Variants in RGS6 observed in about 807,000 individuals in gnomAD.
The protein encoded by RGS6 is regulator of G-protein signaling 6.
RGS6 carries 30 observed loss-of-function variants against 78.5 expected under a neutral mutation model. The observed-to-expected ratio is 0.38, with a 90% CI of 0.29 to 0.52. The LOEUF is 0.52. Among genes scored for constraint, RGS6 ranks in the 20% least tolerant of loss-of-function variants. RGS6 has a pLI of 0.85. For missense variants in RGS6, 495 were observed against 609.7 expected, an observed-to-expected ratio of 0.81 and a Z score of 1.98; for synonymous variants, 206 against 206.0, an observed-to-expected ratio of 1.00 and a Z score of 0.00.
At chr14:71,963,615 TGTGTC>T (rs1177451389) in intron 1 of RGS6, among the ~76,000 whole-genome samples, 1 of 152,282 alleles carries the variant, frequency 6.6e-6, no homozygotes, top group Non-Finnish European at 1.5e-5. Context: ...TGTGACGTTT[TGTGTC>T]TGGCTTTTTA....
At chr14:72,427,336 A>G (rs1457360731) in intron 3 of RGS6, among the ~76,000 whole-genome samples, 2 of 152,234 alleles carry the variant, frequency 1.3e-5, no homozygotes, top group Non-Finnish European at 2.9e-5. Context: ...TATGTATAGA[A>G]AAAACATAGT....
intron 2 of RGS6, among the ~76,000 whole-genome samples, chr14:72,164,874 G>A (rs1041053760): frequency 3.9e-5 from 6 of 152,038 alleles, no homozygotes; most frequent in South Asian, 2.1e-4. Context: ...TTATTTTTCC[G>A]CAGACTTGAC....
chr14:72,412,311 C>A (rs144993648), intron 3 of RGS6, among the ~76,000 whole-genome samples: 1 of 152,046 alleles, frequency 6.6e-6, no homozygotes, highest in Non-Finnish European at 1.5e-5. Flanking sequence ...TGTATGTGTC[C>A]AGGAATTTAT....
At chr14:72,314,467 G>C (rs1022098966) in intron 2 of RGS6, among the ~76,000 whole-genome samples, 1 of 152,174 alleles carries the variant, frequency 6.6e-6, no homozygotes, top group Non-Finnish European at 1.5e-5. Flanking sequence ...TGTCTCATTG[G>C]CCAGAACTGT....
chr14:72,275,802 T>C (rs1178380886), intron 2 of RGS6, among the ~76,000 whole-genome samples: 5 of 152,208 alleles, frequency 3.3e-5, no homozygotes, highest in Non-Finnish European at 5.9e-5. Context: ...AAGGAACATA[T>C]TGGAAAATTA....
intron 1 of RGS6, among the ~76,000 whole-genome samples, chr14:71,960,375 A>T (rs551753057): frequency 6.6e-6 from 1 of 152,304 alleles, no homozygotes; most frequent in South Asian, 2.1e-4. Flanking sequence ...GATGCTATAC[A>T]TGGGTCTTTG....
the RGS6 span, among the ~76,000 whole-genome samples, chr14:71,921,893 T>C: frequency 6.6e-6 from 1 of 152,248 alleles, no homozygotes; most frequent in African/African-American, 2.4e-5. Context: ...TCTGTGTCCA[T>C]GTGTGTAGTT....
rs1334406453 is a variant in RGS6 at position 72,442,052 on chromosome 14, CAGG to C, written c.185-12473_185-12471del. ...ATGTTTGCATCCTGATGCTGGGAAA[CAGG>C]AGATCAGTCCTCACCAACGCTGAGA... On this transcript the variant is annotated intron_variant, in intron 3 of 17. Coordinates refer to ENST00000553525, the MANE Select transcript of RGS6 (RefSeq NM_001204424.2). 8.5e-5 allele frequency among the ~76,000 whole-genome samples: 13 copies of C among 152,182 alleles called. 1 individual carries two copies. Among genetic ancestry groups the C allele is most frequent in the Admixed American group, 8.5e-4 (13 of 15,282 alleles).
intron 4 of RGS6, among the ~76,000 whole-genome samples, chr14:72,457,222 A>T (rs1597791947): frequency 6.6e-6 from 1 of 152,206 alleles, no homozygotes; most frequent in African/African-American, 2.4e-5. Flanking sequence ...TACGCAAAAC[A>T]TTGCATTGTA....
intron 2 of RGS6, among the ~76,000 whole-genome samples, chr14:71,968,616 T>C (rs577479412): frequency 1.8e-3 from 278 of 152,284 alleles, no homozygotes; most frequent in Non-Finnish European, 2.3e-3. Context: ...ATGGAAGCCA[T>C]AATGGTGTCC....
the RGS6 span, among the ~76,000 whole-genome samples, chr14:71,922,856 A>AAAAACAAAAC: frequency 0.029 from 4,362 of 150,744 alleles, 78 homozygotes; most frequent in African/African-American, 0.046. Flanking sequence ...GACAAAAAAC[A>AAAAACAAAAC]AAAACAAAAC....
chr14:72,150,520 G>T (rs1033011707), intron 2 of RGS6, among the ~76,000 whole-genome samples: 2 of 152,028 alleles, frequency 1.3e-5, no homozygotes, highest in African/African-American at 4.8e-5. Context: ...CTGAGACTGG[G>T]TAATTTGTAA....
At chr14:72,455,140 GTAAT>G (rs1470653382) in intron 4 of RGS6, among the ~76,000 whole-genome samples, 1 of 122,184 alleles carries the variant, frequency 8.2e-6, no homozygotes, top group African/African-American at 2.7e-5. Flanking sequence ...TTTTCACAGT[GTAAT>G]TAGGAAATGG....
intron 2 of RGS6, among the ~76,000 whole-genome samples, chr14:72,076,539 T>C (rs910808855): frequency 6.6e-6 from 1 of 151,982 alleles, no homozygotes; most frequent in Non-Finnish European, 1.5e-5. Flanking sequence ...CTATACACAC[T>C]TTTTTTTGAG....
chr14:72,437,616 A>G (rs7156512), intron 3 of RGS6, among the ~76,000 whole-genome samples: 51,722 of 152,142 alleles, frequency 0.34, 9,358 homozygotes, highest in East Asian at 0.64. Context: ...TTATATTTAC[A>G]CCATCCTTTT....
At chr14:72,584,819 G>C in the RGS6 span, among the ~76,000 whole-genome samples, 1 of 152,202 alleles carries the variant, frequency 6.6e-6, no homozygotes, top group African/African-American at 2.4e-5. Context: ...CATGGAGTCA[G>C]GTAGGAAAGC....
chr14:72,568,728 C>T (rs2097716908), downstream of RGS6, among the ~76,000 whole-genome samples: 1 of 152,246 alleles, frequency 6.6e-6, no homozygotes, highest in African/African-American at 2.4e-5. Context: ...GACCTCATGG[C>T]TACTTCCGTG....
chr14:72,036,200 ATATTAT>A lies in RGS6; in HGVS notation c.84+71350_84+71355del, dbSNP rs3053081. Among the ~76,000 whole-genome samples the A allele has an allele frequency of 3.4e-4, 50 of 146,810 alleles. 1 individual carries two copies. The highest frequency in any genetic ancestry group is 3.1e-3 in the South Asian group (14 of 4,578). On this transcript the variant is annotated intron_variant, in intron 2 of 17. Transcript: ENST00000553525. ...CTCATCCAAGTTGTTGCATGTAAAC[ATATTAT>A]TATTATTATTATTATTATTATTATG... is the stretch of plus-strand genomic sequence containing the variant.
At chr14:72,461,192 A>G (rs186884353) in intron 6 of RGS6, among the ~76,000 whole-genome samples, 4 of 152,364 alleles carry the variant, frequency 2.6e-5, no homozygotes, top group Admixed American at 6.5e-5. Flanking sequence ...TTGAATAATT[A>G]TAGCTCAGTT....
Sources: allele counts gnomAD v4.1 joint callset (sites outside exome capture counted in the v4.1 genomes callset), GRCh38; gene constraint gnomAD v4.1.1; transcripts MANE v1.5; gene names NCBI Gene and HGNC (gene_info 2026-07-23, HGNC 2026-07-21).